Variants in GRID2IP observed in about 807,000 individuals in gnomAD.
GRID2IP encodes delphilin.
A neutral mutation model predicts 114.3 loss-of-function variants in GRID2IP; 78 were observed. The observed-to-expected ratio is 0.68, with a 90% confidence interval of 0.57 to 0.82. The LOEUF (loss-of-function observed/expected upper bound fraction) is 0.82, where lower values mean the gene tolerates loss of function less well. Among genes scored for constraint, GRID2IP ranks in the 40% least tolerant of loss-of-function variants. The probability of loss-of-function intolerance (pLI) is 0.00; values close to 1 mark genes in which losing one functional copy is unlikely to be tolerated. For synonymous variants in GRID2IP, 809 were observed against 724.0 expected (o/e 1.12, Z -1.89); for missense variants, 1,727 against 1,678.5 (o/e 1.03, Z -0.51).
At chr7:6,503,435 G>C (rs1786474593) in intron 16 of GRID2IP, 56 bp downstream of exon 16, 1 of 1,432,792 alleles carries the variant, frequency 7.0e-7, no homozygotes, top group East Asian at 2.6e-5. Flanking sequence ...CCTGGCCACA[G>C]CGACAGCCCC....
rs751675836 is a variant in GRID2IP, at chr7:6,531,141, CA to C, written c.585-4373del. The C allele has an allele frequency of 2.3e-4, 118 of 511,852 alleles. 1 individual carries two copies. In the South Asian group the frequency reaches 2.9e-3, roughly 13 times the overall value. The allele number at this position is 511,852 out of a possible 1,614,324, so 31.7% of individuals were successfully genotyped here. On this transcript the variant is annotated intron_variant, in intron 2 of 21. Transcript: ENST00000457091. ...CCGCGGCGCGGCAGGTGCCGAAGGG[CA>C]GGGGGTAGCCGAGCCCAGGAATGGA...
intron 8 of GRID2IP, among the ~76,000 whole-genome samples, chr7:6,513,222 GTTTC>G (rs934689108): frequency 2.0e-5 from 3 of 151,872 alleles, no homozygotes; most frequent in Admixed American, 6.6e-5. Context: ...AACCACGTGA[GTTTC>G]TTTCTTTTTT....
chr7:6,550,971 C>CGGCGT, intron 1 of GRID2IP, 37 bp downstream of exon 1: 1 of 1,168,588 alleles, frequency 8.6e-7, no homozygotes, highest in Non-Finnish European at 1.1e-6. Flanking sequence ...TATGAGCCCC[C>CGGCGT]TCCTTCCCGC....
rs537195310 is a variant in GRID2IP at position 6,509,513 on chromosome 7, C to T, written c.1772-200G>A. Among the ~76,000 whole-genome samples, 1 of 152,184 alleles carries T rather than the reference C, an allele frequency of 6.6e-6. No individual in the cohort carries two copies. The highest frequency in any genetic ancestry group is 1.5e-5 in the Non-Finnish European group (1 of 68,022). Reference sequence around the variant, plus strand: ...AGGCCAGATCTGGTGAGCAGGAGCACTGCTCGGCCTCAGGACAGGCTGGAC... The same window carrying T: ...AGGCCAGATCTGGTGAGCAGGAGCATTGCTCGGCCTCAGGACAGGCTGGAC... On this transcript the variant is annotated intron_variant, in intron 11 of 21. Transcript: ENST00000457091. The surrounding 1 kb of genome is among the most constrained non-coding windows in gnomAD (Gnocchi z 4.9).
At chr7:6,518,056 T>C (rs1349469602) in intron 7 of GRID2IP, among the ~76,000 whole-genome samples, 2 of 149,972 alleles carry the variant, frequency 1.3e-5, no homozygotes, top group African/African-American at 4.9e-5. Flanking sequence ...CAAAACCCTG[T>C]CTCTACTAAA....
intron 2 of GRID2IP, among the ~76,000 whole-genome samples, chr7:6,537,745 G>C (rs1779750793): frequency 6.6e-6 from 1 of 152,086 alleles, no homozygotes; most frequent in South Asian, 2.1e-4. Context: ...AGCTACTTGG[G>C]AGGCTGAGGC....
At position 6,501,765 on chromosome 7, in the gene GRID2IP, G is replaced by A; in HGVS notation, c.3399+16C>T. ...AGGATCCAGCCTGGTGCAGGAACAG[G>A]CTGCTCAGAGGATGCCGACATGACC... On this transcript the variant is annotated intron_variant, in intron 20 of 21. Coordinates refer to ENST00000457091, the MANE Select transcript of GRID2IP (RefSeq NM_001145118.2). The A allele has an allele frequency of 6.5e-7, 1 of 1,533,174 alleles. No homozygotes were observed. Among genetic ancestry groups the A allele is most frequent in the Non-Finnish European group, 8.8e-7 (1 of 1,130,780 alleles). 95.0% of individuals were successfully genotyped at this position (1,533,174 alleles called of 1,614,324 possible).
chr7:6,504,970 A>C (rs1378472942), intron 14 of GRID2IP, 100 bp from the exon 15 acceptor site: 6 of 898,876 alleles, frequency 6.7e-6, no homozygotes, highest in Non-Finnish European at 1.1e-5. Context: ...CTATCCCCCT[A>C]AGCACGACCT....
chr7:6,503,458 C>T (rs1786475447), intron 16 of GRID2IP, 33 bp downstream of exon 16: 2 of 1,488,004 alleles, frequency 1.3e-6, no homozygotes, highest in Non-Finnish European at 1.8e-6. Context: ...TGGAGCCGGC[C>T]GAGGCCTCGG....
Position 6,526,177 on chromosome 7 carries a change from C to G in GRID2IP, c.919+47G>C. 1 of 1,477,352 alleles carries G rather than the reference C, an allele frequency of 6.8e-7. No homozygotes were observed. Among genetic ancestry groups the G allele is most frequent in the East Asian group, 2.5e-5 (1 of 40,540 alleles). The allele number at this position is 1,477,352 out of a possible 1,614,324, so 91.5% of individuals were successfully genotyped here. ...CAGAGCCACCACGGGGCCCTTCACC[C>G]CATCCTGGGCCTTAGGGACTCTTAG... On this transcript the variant is annotated intron_variant, in intron 4 of 21. Coordinates refer to ENST00000457091, the MANE Select transcript of GRID2IP (RefSeq NM_001145118.2). The surrounding 1 kb of genome is among the most constrained non-coding windows in gnomAD (Gnocchi z 7.6).
chr7:6,503,476 T>C lies in GRID2IP; in HGVS notation c.2907+15A>G. The C allele has an allele frequency of 2.7e-6, 4 of 1,505,724 alleles. No homozygotes were observed. Among genetic ancestry groups the C allele is most frequent in the East Asian group, 2.6e-5 (1 of 38,228 alleles). 93.3% of individuals were successfully genotyped at this position (1,505,724 alleles called of 1,614,324 possible). A position where few individuals can be genotyped will look rare whatever the true frequency, so the allele number is the denominator to read the frequency against. ...AGCCGGCCGAGGCCTCGGGGCGGGG[T>C]TGTGGTCGCGGCACCTGCAGGACGA... is the stretch of plus-strand genomic sequence containing the variant. On this transcript the variant is annotated intron_variant, in intron 16 of 21. Transcript: ENST00000457091.
chr7:6,533,490 C>G lies in GRID2IP; in HGVS notation c.584+6228G>C, dbSNP rs1008367126. Among the ~76,000 whole-genome samples, 7 of 151,480 alleles carry G rather than the reference C, an allele frequency of 4.6e-5. No homozygotes were observed. In the East Asian group the frequency reaches 1.4e-3, roughly 29 times the overall value. ...CCTCCCACCTCAGCCTCCCAAATAG[C>G]TAGGACTACAGGCATGTACCACTAT... On this transcript the variant is annotated intron_variant, in intron 2 of 21. Transcript: ENST00000457091.
At chr7:6,499,401 C>T (rs1232131196) in intron 20 of GRID2IP, among the ~76,000 whole-genome samples, 1 of 152,174 alleles carries the variant, frequency 6.6e-6, no homozygotes, top group Admixed American at 6.5e-5. Flanking sequence ...TGTGCCAGGT[C>T]AATTTCCTTT....
intron 4 of GRID2IP, among the ~76,000 whole-genome samples, chr7:6,524,237 G>C (rs1243858798): frequency 6.6e-6 from 1 of 152,182 alleles, no homozygotes; most frequent in Non-Finnish European, 1.5e-5. Flanking sequence ...GGGACTACAG[G>C]ATCAGACGAT....
In GRID2IP at chr7:6,508,065, G is replaced by A. The variant is rs941826042; in HGVS notation, c.2464C>T (p.Arg822Cys). 3.4e-5 allele frequency: 52 copies of A among 1,547,718 alleles called. No individual in the cohort carries two copies. The highest frequency in any genetic ancestry group is 1.7e-4 in the Middle Eastern group (1 of 5,978). ...ACGCTCATGTGGCTGGTCTCACTGC[G>A]CCGGTGGCCCAGGCCCCGGGACAGC... ...PMLSRGLGHR[R>C]SETSHMSVKR... is the part of the protein sequence containing the mutation. The change falls in exon 13 of 22, where the codon CGC (arginine) becomes TGC (cysteine). Residue 822 changes from arginine (R) to cysteine (C), a missense_variant. Coordinates refer to ENST00000457091, the MANE Select transcript of GRID2IP (RefSeq NM_001145118.2). The surrounding 1 kb of genome is among the most constrained non-coding windows in gnomAD (Gnocchi z 5.6).
At position 6,516,264 on chromosome 7, in the gene GRID2IP, TAATA is replaced by T. The variant is rs1049007227; in HGVS notation, c.1269-1739_1269-1736del. The stretch of plus-strand genomic sequence containing the variant: ...ACCGAGGGCACAAGCTGTTCCAATA[TAATA>T]AAGAAAATACATAGAATAAGAATAG... On this transcript the variant is annotated intron_variant, in intron 7 of 21. Transcript: ENST00000457091. This position sits in a 1 kb window ranked among gnomAD's most constrained non-coding sequence, Gnocchi z 4.3. Among the ~76,000 whole-genome samples the T allele has an allele frequency of 2.1e-4, 32 of 151,842 alleles. No individual in the cohort carries two copies. The highest frequency in any genetic ancestry group is 7.2e-4 in the African/African-American group (30 of 41,460).
chr7:6,522,799 T>C (rs1179469098), intron 4 of GRID2IP, among the ~76,000 whole-genome samples: 1 of 96,352 alleles, frequency 1.0e-5, no homozygotes, highest in African/African-American at 3.6e-5. Context: ...CCACCATGCC[T>C]GGCTAATATG....
chr7:6,544,515 G>A (rs1467149445), intron 1 of GRID2IP, among the ~76,000 whole-genome samples: 1 of 151,688 alleles, frequency 6.6e-6, no homozygotes. Context: ...CCTGACCTCA[G>A]GTGATCCACC....
At position 6,498,213 on chromosome 7, in the gene GRID2IP, C is replaced by A. The variant is rs969008672; in HGVS notation, c.3415G>T (p.Ala1139Ser). ...AMVMSSFLET[A>S]QPALRALDGL... is the part of the protein sequence containing the mutation. ...TCGAGCGCCCGAAGTGCTGGCTGGG[C>A]CGTCTCCAGGAAGGACTGACAGGCC... Residue 1139 changes from alanine (A) to serine (S), a missense_variant, in exon 21 of 22, where the codon GCC becomes TCC. Ala to Ser is a moderately conservative substitution (Grantham distance 99, BLOSUM62 1). Transcript: ENST00000457091. 1.3e-5 allele frequency: 20 copies of A among 1,545,964 alleles called. No homozygotes were observed. The highest frequency in any genetic ancestry group is 1.7e-5 in the Non-Finnish European group (20 of 1,145,016).
Sources: allele counts gnomAD v4.1 joint callset (sites outside exome capture counted in the v4.1 genomes callset), GRCh38; gene constraint gnomAD v4.1.1; non-coding constraint Gnocchi (gnomAD v3.1); transcripts MANE v1.5; gene names NCBI Gene and HGNC (gene_info 2026-07-23, HGNC 2026-07-21).